The following CEP63 variants were observed in gnomAD, a reference collection of about 807,000 sequenced individuals.
CEP63 encodes centrosomal protein 63.
Under a neutral mutation model 89.1 loss-of-function variants are expected in CEP63, and 84 were observed. The ratio of observed to expected loss-of-function variants is 0.94; its 90% CI spans 0.79 to 1.13. CEP63 has a LOEUF of 1.13. Ranked by LOEUF, CEP63 falls within the 50% of genes most tolerant of loss-of-function variation. The probability of loss-of-function intolerance (pLI) is 0.00; values close to 1 mark genes in which losing one functional copy is unlikely to be tolerated. For missense variants in CEP63, 838 were observed against 813.3 expected (o/e 1.03, Z -0.37); for synonymous variants, 267 against 272.5 (o/e 0.98, Z 0.20).
the CEP63 span, among the ~76,000 whole-genome samples, chr3:134,705,841 C>A: frequency 2.0e-5 from 3 of 152,184 alleles, no homozygotes; most frequent in Admixed American, 6.5e-5. Flanking sequence ...TGAATTTCTT[C>A]TTTTCTTCAA....
Position 134,543,213 on chromosome 3 carries a change from C to T in CEP63, c.556-2373C>T, listed in dbSNP as rs561929568. On this transcript the variant is annotated intron_variant, in intron 6 of 14. Transcript: ENST00000675561. ...TATGTCAGAAATATTACAACATTTA[C>T]TTTACATTTTTTTAATGAGTCTTTG... 3.3e-5 allele frequency among the ~76,000 whole-genome samples: 5 copies of T among 152,186 alleles called. No individual in the cohort carries two copies. The East Asian group carries it at 9.6e-4, about 29-fold the overall frequency.
chr3:134,759,766 T>G, the CEP63 span, among the ~76,000 whole-genome samples: 1 of 152,224 alleles, frequency 6.6e-6, no homozygotes, highest in East Asian at 1.9e-4. Flanking sequence ...TGACAATAAC[T>G]GTAATCTTAA....
At chr3:134,721,696 G>T in the CEP63 span, among the ~76,000 whole-genome samples, 4,277 of 152,050 alleles carry the variant, frequency 0.028, 195 homozygotes, top group African/African-American at 0.098. Context: ...ATTGATTTTT[G>T]TCAAATGCCT....
chr3:134,487,474 G>T (rs534933401), intron 1 of CEP63, among the ~76,000 whole-genome samples: 3 of 152,326 alleles, frequency 2.0e-5, no homozygotes, highest in Admixed American at 2.0e-4. Context: ...TAAAATGGTG[G>T]AAGACCTTTG....
intron 1 of CEP63, among the ~76,000 whole-genome samples, chr3:134,494,378 G>C (rs1938978757): frequency 6.6e-6 from 1 of 151,696 alleles, no homozygotes; most frequent in Non-Finnish European, 1.5e-5. Context: ...GGCCTCCCAA[G>C]TTCTAGGATT....
At chr3:134,587,590 T>G (rs1313004636) in exon 11 of CEP63, among the ~76,000 whole-genome samples, 2 of 152,148 alleles carry the variant, frequency 1.3e-5, no homozygotes, top group Non-Finnish European at 2.9e-5. Context: ...GAGGGGCACC[T>G]GCCTGTATGA....
At chr3:134,772,390 T>A in the CEP63 span, among the ~76,000 whole-genome samples, 1 of 152,194 alleles carries the variant, frequency 6.6e-6, no homozygotes, top group Non-Finnish European at 1.5e-5. Flanking sequence ...CTATAATGGC[T>A]GCGAGGGAGA....
chr3:134,588,439 ATATC>A (rs1958531334), downstream of CEP63, among the ~76,000 whole-genome samples: 1 of 152,228 alleles, frequency 6.6e-6, no homozygotes, highest in Non-Finnish European at 1.5e-5. Context: ...TTTAAAAAAA[ATATC>A]TAAGTGTTCG....
chr3:134,538,504 A>T (rs1226243705), intron 6 of CEP63, among the ~76,000 whole-genome samples: 1 of 108,152 alleles, frequency 9.2e-6, no homozygotes, highest in Non-Finnish European at 2.1e-5. Context: ...AAAGCACCAT[A>T]GAGACCTAAT....
the CEP63 span, chr3:134,628,086 C>T: frequency 1.2e-5 from 6 of 506,728 alleles, no homozygotes; most frequent in East Asian, 2.0e-4. Context: ...TTTGCTCTGA[C>T]CTAACACTTT....
the CEP63 span, among the ~76,000 whole-genome samples, chr3:134,778,970 G>T: frequency 6.6e-6 from 1 of 152,198 alleles, no homozygotes; most frequent in Non-Finnish European, 1.5e-5. Context: ...GTAATTTATA[G>T]AAGTGCCCAG....
At chr3:134,546,870 A>G (rs947666971) in intron 8 of CEP63, among the ~76,000 whole-genome samples, 3 of 152,198 alleles carry the variant, frequency 2.0e-5, no homozygotes, top group Non-Finnish European at 4.4e-5. Context: ...TGAAAATCCA[A>G]ATGTGCAGGG....
intron 3 of CEP63, among the ~76,000 whole-genome samples, chr3:134,512,950 G>A (rs1215446557): frequency 6.6e-6 from 1 of 152,054 alleles, no homozygotes; most frequent in African/African-American, 2.4e-5. Context: ...CTTTCATTTG[G>A]TTTTTTAAAC....
At chr3:134,685,174 T>C in the CEP63 span, among the ~76,000 whole-genome samples, 16 of 152,188 alleles carry the variant, frequency 1.1e-4, no homozygotes, top group Non-Finnish European at 2.2e-4. Flanking sequence ...ATTGTTTGTG[T>C]GGAGAAAATG....
At chr3:134,529,353 T>TTG (rs1949392164) in intron 3 of CEP63, among the ~76,000 whole-genome samples, 1 of 148,996 alleles carries the variant, frequency 6.7e-6, no homozygotes, top group South Asian at 2.1e-4. Flanking sequence ...TTTTTTTTTT[T>TTG]TTTTTGAGAC....
the CEP63 span, among the ~76,000 whole-genome samples, chr3:134,654,156 A>G: frequency 6.6e-6 from 1 of 152,206 alleles, no homozygotes; most frequent in African/African-American, 2.4e-5. Context: ...CTCCTCTGCT[A>G]GAAGGTGAGA....
At chr3:134,491,095 C>T (rs1337290954) in intron 1 of CEP63, among the ~76,000 whole-genome samples, 1 of 152,158 alleles carries the variant, frequency 6.6e-6, no homozygotes, top group African/African-American at 2.4e-5. Flanking sequence ...TTAAAAGTAG[C>T]GTTGTTGGAT....
the CEP63 span, among the ~76,000 whole-genome samples, chr3:134,719,742 T>C: frequency 6.6e-6 from 1 of 152,246 alleles, no homozygotes; most frequent in Non-Finnish European, 1.5e-5. Context: ...TGATCTTTTA[T>C]GCCTGACTTA....
intron 10 of CEP63, among the ~76,000 whole-genome samples, chr3:134,585,801 C>T (rs1382750347): frequency 6.6e-6 from 1 of 150,806 alleles, no homozygotes; most frequent in Non-Finnish European, 1.5e-5. Flanking sequence ...TTGTTAAAGT[C>T]TCCCATTATT....
Sources: allele counts gnomAD v4.1 joint callset (sites outside exome capture counted in the v4.1 genomes callset), GRCh38; gene constraint gnomAD v4.1.1; transcripts MANE v1.5; gene names NCBI Gene and HGNC (gene_info 2026-07-23, HGNC 2026-07-21).